LYPD2: variants seen among roughly 807,000 people sequenced by gnomAD.
The protein encoded by LYPD2 is LY6/PLAUR domain containing 2, also known as ly6/PLAUR domain-containing protein 2.
In LYPD2, 5 loss-of-function variants were observed where a neutral mutation model predicts 7.1. The observed-to-expected ratio is 0.70, with a 90% CI of 0.37 to 1.48. LYPD2 has a LOEUF of 1.48. LYPD2 is among the 40% of genes most tolerant of loss of function. The probability of loss-of-function intolerance (pLI) is 0.03; values close to 1 mark genes in which losing one functional copy is unlikely to be tolerated. For synonymous variants in LYPD2, 78 were observed against 82.0 expected (o/e 0.95, Z 0.26); for missense variants, 177 against 171.0 (o/e 1.04, Z -0.20).
chr8:142,752,197 C>T (rs587596335), intron 1 of LYPD2, among the ~76,000 whole-genome samples, 197 bp downstream of exon 1: 73 of 152,186 alleles, frequency 4.8e-4, no homozygotes, highest in African/African-American at 1.6e-3. Context: ...CCTCATTAGG[C>T]GTCCCCCTCA....
chr8:142,752,111 G>A (rs587657316), intron 1 of LYPD2, among the ~76,000 whole-genome samples: 1 of 152,188 alleles, frequency 6.6e-6, no homozygotes, highest in East Asian at 1.9e-4. Flanking sequence ...CCCCCATAAA[G>A]TGTGACACCC....
Position 142,750,476 on chromosome 8 carries a change from G to A in LYPD2, c.185C>T (p.Pro62Leu), listed in dbSNP as rs747894458. ...GGTCACCGTGGAGTCCCCCTGGAAG[G>A]GGTACACTGTGGGGTGTGGGAAGAG... ...TTLYSREIVY[P>L]FQGDSTVTKS... The change falls in exon 3 of 3, where the codon CCC (proline) becomes CTC (leucine). Residue 62 changes from proline (P) to leucine (L), a missense_variant. Transcript: ENST00000359228. The A allele has an allele frequency of 6.3e-7, 1 of 1,580,714 alleles. No individual in the cohort carries two copies. Among genetic ancestry groups the A allele is most frequent in the South Asian group, 1.2e-5 (1 of 86,174 alleles).
At chr8:142,750,836 C>A (rs149602596) in intron 2 of LYPD2, among the ~76,000 whole-genome samples, 1 of 152,338 alleles carries the variant, frequency 6.6e-6, no homozygotes, top group African/African-American at 2.4e-5. Context: ...AGGCCTAGCT[C>A]GGGCAGAAAG....
intron 1 of LYPD2, 144 bp downstream of exon 1, chr8:142,752,247 TGGC>T (rs2130039580): frequency 1.2e-6 from 1 of 809,342 alleles, no homozygotes; most frequent in East Asian, 2.8e-5. Flanking sequence ...CCCCTCCTTA[TGGC>T]GGGGGGGCCA....
In LYPD2 at chr8:142,752,386, C is replaced by T; in HGVS notation, c.58+8G>A. 6.2e-7 allele frequency: 1 copy of T among 1,613,500 alleles called. No individual in the cohort carries two copies. The highest frequency in any genetic ancestry group is 8.5e-7 in the Non-Finnish European group (1 of 1,179,734). On this transcript the variant is annotated splice_region_variant and intron_variant, in intron 1 of 2. Coordinates refer to ENST00000359228, the MANE Select transcript of LYPD2 (RefSeq NM_205545.3). ...CGTCCCAGCTCCCCTGTGGGTCCCA[C>T]ACCTCACCCAGCTCTCCGCAGGCAG...
rs1444986009 is a variant in LYPD2 at position 142,750,429 on chromosome 8, T to TA, written c.231dup (p.Lys78Ter). Reference sequence around the variant, plus strand: ...CCGATGCCATCCACATCCGAGGGCTTACACTTGCTGGCACAGGACTTGGTC... The same window carrying TA: ...CCGATGCCATCCACATCCGAGGGCTTAACACTTGCTGGCACAGGACTTGGTC... On this transcript the variant is annotated frameshift_variant, in exon 3 of 3. Transcript: ENST00000359228. LOFTEE classifies it low-confidence loss of function (END_TRUNC). 1.3e-6 allele frequency: 2 copies of TA among 1,589,572 alleles called. No individual in the cohort carries two copies. The highest frequency in any genetic ancestry group is 2.7e-5 in the African/African-American group (2 of 74,468).
At chr8:142,752,292 G>T in intron 1 of LYPD2, 102 bp downstream of exon 1, 4 of 1,349,986 alleles carry the variant, frequency 3.0e-6, no homozygotes, top group South Asian at 1.3e-5. Flanking sequence ...GGCTTCTCCT[G>T]CCTCTGAGGC....
At chr8:142,750,670 G>A (rs1361450298) in intron 2 of LYPD2, among the ~76,000 whole-genome samples, 188 bp from the exon 3 acceptor site, 1 of 152,244 alleles carries the variant, frequency 6.6e-6, no homozygotes, top group Non-Finnish European at 1.5e-5. Context: ...CATGTGCCAG[G>A]CACCCGGCCT....
Position 142,750,390 on chromosome 8 carries a change from C to G in LYPD2, c.271G>C (p.Val91Leu). ...DVDGIGQTLP[V>L]SCCNTELCNV... Reference sequence around the variant, plus strand: ...CACAGCTCAGTATTGCAGCAGGACACGGGCAGGGTCTGGCCGATGCCATCC... The same window carrying G: ...CACAGCTCAGTATTGCAGCAGGACAGGGGCAGGGTCTGGCCGATGCCATCC... The change falls in exon 3 of 3, where the codon GTG (valine) becomes CTG (leucine). Residue 91 changes from valine to leucine, a missense_variant. Val to Leu is a conservative substitution (Grantham distance 32). Transcript: ENST00000359228. The G allele has an allele frequency of 2.5e-6, 4 of 1,576,626 alleles. No homozygotes were observed. In the East Asian group the frequency reaches 9.4e-5, roughly 37 times the overall value.
At chr8:142,751,842 G>A (rs150787959) in intron 1 of LYPD2, among the ~76,000 whole-genome samples, 175 of 152,316 alleles carry the variant, frequency 1.1e-3, no homozygotes, top group Middle Eastern at 3.4e-3. Context: ...GGGATGCAGC[G>A]GGGCCTCTGC....
chr8:142,750,918 G>C, intron 2 of LYPD2, 133 bp downstream of exon 2: 1 of 1,487,946 alleles, frequency 6.7e-7, no homozygotes, highest in Non-Finnish European at 9.1e-7. Context: ...TGGGCTGGAG[G>C]TGGCTCTGAC....
At position 142,751,066 on chromosome 8, in the gene LYPD2, A is replaced by G; in HGVS notation, c.163T>C (p.Tyr55His). The change falls in exon 2 of 3, where the codon TAC becomes CAC. Residue 55 changes from tyrosine to histidine, a missense_variant. Tyr to His is a moderately conservative substitution (Grantham distance 83). Transcript: ENST00000359228. The part of the protein sequence containing the change: ...TNETMCKTTL[Y>H]SREIVYPFQG... ...GCCCACTGACCTATCTCCCGGGAGT[A>G]GAGTGTGGTCTTGCACATGGTTTCG... The G allele has an allele frequency of 1.2e-6, 2 of 1,614,150 alleles. No individual in the cohort carries two copies. Among genetic ancestry groups the G allele is most frequent in the Non-Finnish European group, 1.7e-6 (2 of 1,180,012 alleles).
At chr8:142,750,915 G>A in intron 2 of LYPD2, 136 bp downstream of exon 2, 2 of 1,475,072 alleles carry the variant, frequency 1.4e-6, no homozygotes, top group Non-Finnish European at 1.8e-6. Context: ...GACTGGGCTG[G>A]AGGTGGCTCT....
chr8:142,751,057 C>T lies in LYPD2; in HGVS notation c.172G>A (p.Glu58Lys), dbSNP rs775549175. The T allele has an allele frequency of 4.9e-5, 79 of 1,614,038 alleles. No individual in the cohort carries two copies. The highest frequency in any genetic ancestry group is 2.8e-4 in the Admixed American group (17 of 59,990). ...GCCTTCTGTGCCCACTGACCTATCT[C>T]CCGGGAGTAGAGTGTGGTCTTGCAC... ...TMCKTTLYSREIVYPFQGDST... is the reference protein window; with the variant it reads ...TMCKTTLYSRKIVYPFQGDST... The change falls in exon 2 of 3, where the codon GAG becomes AAG. Residue 58 changes from glutamate to lysine, a missense_variant. By Grantham distance (56) the Glu-to-Lys change is moderately conservative. Coordinates refer to ENST00000359228, the MANE Select transcript of LYPD2 (RefSeq NM_205545.3).
Position 142,752,425 on chromosome 8 carries a change from C to G in LYPD2, c.27G>C (p.Leu9=). Residue 9 remains leucine (L), a synonymous_variant, in exon 1 of 3, where the codon CTG becomes CTC. Coordinates refer to ENST00000359228, the MANE Select transcript of LYPD2 (RefSeq NM_205545.3). Reference sequence around the variant, plus strand: ...CTCCGCAGGCAGCCAGCACCAGCGCCAGGAGCGCCAGCCGCGTCCCCCGCA... The same window carrying G: ...CTCCGCAGGCAGCCAGCACCAGCGCGAGGAGCGCCAGCCGCGTCCCCCGCA... The part of the protein sequence containing the change: MRGTRLAL[L]ALVLAACGEL... The G allele has an allele frequency of 1.2e-6, 2 of 1,613,476 alleles. No homozygotes were observed. Among genetic ancestry groups the G allele is most frequent in the Non-Finnish European group, 1.7e-6 (2 of 1,179,810 alleles).
At chr8:142,752,368 G>C in intron 1 of LYPD2, 26 bp downstream of exon 1, 3 of 1,613,008 alleles carry the variant, frequency 1.9e-6, no homozygotes, top group East Asian at 4.5e-5. Flanking sequence ...CTCCGTCCCA[G>C]CTCCCCTGTG....
intron 2 of LYPD2, 54 bp downstream of exon 2, chr8:142,750,997 T>A (rs1249707990): frequency 1.2e-6 from 2 of 1,611,436 alleles, no homozygotes; most frequent in East Asian, 2.2e-5. Flanking sequence ...GTGACTGGGC[T>A]GGAGGTGGCT....
At chr8:142,750,511 A>G in intron 2 of LYPD2, 29 bp from the exon 3 acceptor site, 1 of 1,555,008 alleles carries the variant, frequency 6.4e-7, no homozygotes, top group Non-Finnish European at 8.7e-7. Flanking sequence ...GTCAGCCGTC[A>G]GGGCTGGTCA....
Position 142,750,388 on chromosome 8 carries a change from C to A in LYPD2, c.273G>T (p.Val91=), listed in dbSNP as rs1255412861. 9 of 1,575,802 alleles carry A rather than the reference C, an allele frequency of 5.7e-6. No homozygotes were observed. Among genetic ancestry groups the A allele is most frequent in the Non-Finnish European group, 6.9e-6 (8 of 1,160,768 alleles). The stretch of plus-strand genomic sequence containing the variant: ...TGCACAGCTCAGTATTGCAGCAGGA[C>A]ACGGGCAGGGTCTGGCCGATGCCAT... ...DVDGIGQTLP[V]SCCNTELCNV... The change falls in exon 3 of 3, where the codon GTG becomes GTT. Residue 91 remains valine, a synonymous_variant. Transcript: ENST00000359228.
Sources: allele counts gnomAD v4.1 joint callset (sites outside exome capture counted in the v4.1 genomes callset), GRCh38; gene constraint gnomAD v4.1.1; transcripts MANE v1.5; gene names NCBI Gene and HGNC (gene_info 2026-07-23, HGNC 2026-07-21).